TFEB: variants seen among roughly 807,000 people sequenced by gnomAD.
TFEB encodes the protein transcription factor EB.
In TFEB, 12 loss-of-function variants were observed where a neutral mutation model predicts 48.0. The observed-to-expected ratio is 0.25, with a 90% confidence interval of 0.16 to 0.40. The LOEUF (loss-of-function observed/expected upper bound fraction) is 0.40. TFEB is among the 10% of genes least tolerant of loss of function. The pLI, the probability that TFEB is intolerant of heterozygous loss-of-function variation, is 1.00. For missense variants in TFEB, 509 were observed against 640.3 expected (o/e 0.79, Z 2.21); for synonymous variants, 244 against 261.4 (o/e 0.93, Z 0.64).
rs1770922962 is a variant in TFEB, at chr6:41,720,298, C to A, written c.-23+15052G>T. The A allele has an allele frequency of 6.6e-6, 1 of 152,214 alleles. No homozygotes were observed. The highest frequency in any genetic ancestry group is 2.4e-5 in the African/African-American group (1 of 41,434). The allele number at this position is 152,214 out of a possible 1,614,324, so 9.4% of individuals were successfully genotyped here. On this transcript the variant is annotated intron_variant, in intron 1 of 8. Coordinates refer to ENST00000373033, the MANE Select transcript of TFEB (RefSeq NM_001271944.2). The surrounding 1 kb of genome is among the most constrained non-coding windows in gnomAD (Gnocchi z 4.1). ...ATCATCTGAGGCCCCTACTGGGCTGCCTGCACTCAAAGCTGGGGATATCCC... is the reference window on the plus strand; with the variant it reads ...ATCATCTGAGGCCCCTACTGGGCTGACTGCACTCAAAGCTGGGGATATCCC...
At chr6:41,704,713 A>C (rs908695411) in intron 1 of TFEB, among the ~76,000 whole-genome samples, 6 of 152,236 alleles carry the variant, frequency 3.9e-5, no homozygotes, top group Non-Finnish European at 7.3e-5. Context: ...CCCTGGTTCC[A>C]AGCATGAAAA....
chr6:41,727,917 G>T (rs528800825), intron 1 of TFEB, among the ~76,000 whole-genome samples: 1 of 152,250 alleles, frequency 6.6e-6, no homozygotes, highest in Admixed American at 6.5e-5. Context: ...CTCCTGGAAG[G>T]AAGGACTTGT....
chr6:41,716,282 C>T, intron 1 of TFEB, among the ~76,000 whole-genome samples: 1 of 152,318 alleles, frequency 6.6e-6, no homozygotes, highest in Non-Finnish European at 1.5e-5. Flanking sequence ...TGGTACACCC[C>T]CTCCCTATAA....
chr6:41,705,340 C>A (rs1482352236), intron 1 of TFEB, among the ~76,000 whole-genome samples: 1 of 152,150 alleles, frequency 6.6e-6, no homozygotes, highest in Non-Finnish European at 1.5e-5. Flanking sequence ...TGGCAAGGAC[C>A]CAAATTTTAA....
At chr6:41,726,390 G>A (rs1416925426) in intron 1 of TFEB, among the ~76,000 whole-genome samples, 1 of 152,180 alleles carries the variant, frequency 6.6e-6, no homozygotes, top group Non-Finnish European at 1.5e-5. Context: ...AGTTGATTTT[G>A]GCGTACAAGC....
intron 1 of TFEB, among the ~76,000 whole-genome samples, chr6:41,707,593 C>G (rs2127241108): frequency 6.6e-6 from 1 of 152,334 alleles, no homozygotes; most frequent in African/African-American, 2.4e-5. Context: ...CCACTTCCCT[C>G]TTTTAATTCT....
At chr6:41,694,686 G>A (rs1769485780) in intron 1 of TFEB, among the ~76,000 whole-genome samples, 1 of 152,102 alleles carries the variant, frequency 6.6e-6, no homozygotes, top group Non-Finnish European at 1.5e-5. Flanking sequence ...GAAGAACTAA[G>A]AGGATGGACA....
chr6:41,736,193 C>T (rs1289790415), upstream of TFEB: 6 of 1,612,890 alleles, frequency 3.7e-6, 1 homozygote, highest in South Asian at 3.3e-5. Context: ...GTCTGAGCTC[C>T]TTTCATGTCA....
rs547713200 is a variant in TFEB at position 41,724,638 on chromosome 6, C to A, written c.-23+10712G>T. Among the ~76,000 whole-genome samples the A allele has an allele frequency of 6.6e-6, 1 of 152,294 alleles. No individual in the cohort carries two copies. Among genetic ancestry groups the A allele is most frequent in the Admixed American group, 6.5e-5 (1 of 15,306 alleles). ...GGCTCCCGCCCCTTGCCGCCCGAGA[C>A]CTGCAATGGGGCCTCAGATAAGGAA... On this transcript the variant is annotated intron_variant, in intron 1 of 8. Transcript: ENST00000373033. This position sits in a 1 kb window ranked among gnomAD's most constrained non-coding sequence, Gnocchi z 4.4.
At chr6:41,722,615 C>A (rs1439722547) in intron 1 of TFEB, among the ~76,000 whole-genome samples, 1 of 152,242 alleles carries the variant, frequency 6.6e-6, no homozygotes, top group Non-Finnish European at 1.5e-5. Context: ...GCAGCATCCC[C>A]CTCATGGGGT....
At chr6:41,700,090 T>C (rs1480081560) in intron 1 of TFEB, among the ~76,000 whole-genome samples, 2 of 152,186 alleles carry the variant, frequency 1.3e-5, no homozygotes, top group African/African-American at 4.8e-5. Flanking sequence ...GTCTTCAGTA[T>C]ATTTCATGAA....
Position 41,691,490 on chromosome 6 carries a change from A to T in TFEB, c.-22-255T>A, listed in dbSNP as rs1053632286. 2 of 679,488 alleles carry T rather than the reference A, an allele frequency of 2.9e-6. No individual in the cohort carries two copies. 42.1% of individuals were successfully genotyped at this position (679,488 alleles called of 1,614,324 possible). On this transcript the variant is annotated intron_variant, in intron 1 of 8. Coordinates refer to ENST00000373033, the MANE Select transcript of TFEB (RefSeq NM_001271944.2). The surrounding 1 kb of genome is among the most constrained non-coding windows in gnomAD (Gnocchi z 5.2). Reference sequence around the variant, plus strand: ...CACTCATTGCAGTTGGTAAATCCCAAACTCTAAGAGTCAACTTCCACTCCT... The same window carrying T: ...CACTCATTGCAGTTGGTAAATCCCATACTCTAAGAGTCAACTTCCACTCCT...
At chr6:41,688,923 G>A (rs1016327885) in intron 4 of TFEB, among the ~76,000 whole-genome samples, 2 of 152,226 alleles carry the variant, frequency 1.3e-5, no homozygotes, top group Admixed American at 6.5e-5. Flanking sequence ...AAAGGCAGGA[G>A]TAAGTAGCTG....
chr6:41,694,793 G>C (rs1262395537), intron 1 of TFEB, among the ~76,000 whole-genome samples: 1 of 152,050 alleles, frequency 6.6e-6, no homozygotes, highest in Non-Finnish European at 1.5e-5. Context: ...CAGTAACACT[G>C]GGGGCCTGGA....
At chr6:41,685,746 G>C (rs753103725) in intron 8 of TFEB, among the ~76,000 whole-genome samples, 7 of 152,198 alleles carry the variant, frequency 4.6e-5, no homozygotes, top group Non-Finnish European at 8.8e-5. Context: ...CTTGTAGAGT[G>C]TGCTTGCATT....
intron 1 of TFEB, chr6:41,733,977 G>C (rs1051659167): frequency 2.2e-5 from 14 of 622,922 alleles, no homozygotes; most frequent in African/African-American, 6.0e-5. Context: ...ACACCCCAGA[G>C]GTGTCACTGG....
Position 41,723,413 on chromosome 6 carries a change from T to C in TFEB, c.-23+11937A>G. 6.2e-6 allele frequency: 7 copies of C among 1,133,110 alleles called. No individual in the cohort carries two copies. In the South Asian group the frequency reaches 7.7e-5, roughly 12 times the overall value. 70.2% of individuals were successfully genotyped at this position (1,133,110 alleles called of 1,614,324 possible). The stretch of plus-strand genomic sequence containing the variant: ...CATGGACACACATTCACACACATGC[T>C]CACACACATGCACACACTCACACAC... On this transcript the variant is annotated intron_variant, in intron 1 of 8. Transcript: ENST00000373033. This position sits in a 1 kb window ranked among gnomAD's most constrained non-coding sequence, Gnocchi z 6.0.
At chr6:41,702,971 T>C (rs1344597992) in intron 1 of TFEB, among the ~76,000 whole-genome samples, 2 of 152,132 alleles carry the variant, frequency 1.3e-5, no homozygotes, top group African/African-American at 4.8e-5. Flanking sequence ...GCAGCATGGA[T>C]GTGTGGAGGG....
At chr6:41,719,845 C>T (rs1200134543) in intron 1 of TFEB, among the ~76,000 whole-genome samples, 1 of 152,206 alleles carries the variant, frequency 6.6e-6, no homozygotes, top group Non-Finnish European at 1.5e-5. Context: ...CAGGCCAGCT[C>T]TCCCATTTAC....
Sources: gnomAD v4.1 joint callset for allele counts (sites outside exome capture counted in the v4.1 genomes callset) on GRCh38, gnomAD v4.1.1 for gene constraint, Gnocchi (gnomAD v3.1) non-coding constraint, MANE v1.5 for transcripts, NCBI Gene and HGNC (gene_info 2026-07-23, HGNC 2026-07-21) for gene names.